ELK3: variants seen among roughly 807,000 people sequenced by gnomAD.
ELK3 encodes ETS domain-containing protein Elk-3.
In ELK3, 10 loss-of-function variants were observed where a neutral mutation model predicts 28.9. The ratio of observed to expected loss-of-function variants is 0.35; its 90% confidence interval spans 0.21 to 0.59. ELK3 has a LOEUF of 0.59. Ranked by LOEUF, ELK3 falls within the 20% of genes least tolerant of loss-of-function variation. The pLI is 0.82. For missense variants in ELK3, 463 were observed against 517.3 expected (o/e 0.90, Z 1.02); for synonymous variants, 272 against 243.5 (o/e 1.12, Z -1.09).
intron 2 of ELK3, among the ~76,000 whole-genome samples, chr12:96,235,265 C>A (rs1474404372): frequency 6.7e-6 from 1 of 148,220 alleles, no homozygotes; most frequent in Non-Finnish European, 1.5e-5. Context: ...TTGCCTGGCT[C>A]ACTCCTGGCC....
At chr12:96,209,163 A>G (rs1951559478) in intron 1 of ELK3, among the ~76,000 whole-genome samples, 1 of 152,266 alleles carries the variant, frequency 6.6e-6, no homozygotes, top group South Asian at 2.1e-4. Flanking sequence ...TTGTAAGCAC[A>G]ACAGATTGCA....
At chr12:96,196,761 T>C (rs1951471964) in intron 1 of ELK3, among the ~76,000 whole-genome samples, 1 of 151,788 alleles carries the variant, frequency 6.6e-6, no homozygotes, top group South Asian at 2.1e-4. Flanking sequence ...TTTTTTTTTT[T>C]TTTTTTTAAT....
intron 4 of ELK3, among the ~76,000 whole-genome samples, chr12:96,265,889 A>C (rs1242801246): frequency 6.6e-6 from 1 of 152,232 alleles, no homozygotes; most frequent in Non-Finnish European, 1.5e-5. Flanking sequence ...AACCTTGAAT[A>C]TGCCAATAAT....
chr12:96,247,239 G>T lies in ELK3; in HGVS notation c.507G>T (p.Pro169=), dbSNP rs62638721. The change falls in exon 3 of 5, where the codon CCG becomes CCT. Residue 169 remains proline, a synonymous_variant. Transcript: ENST00000228741. This position sits in a 1 kb window ranked among gnomAD's most constrained non-coding sequence, Gnocchi z 5.5. ...TCAAGACGGAGAAGCTGGAGGAGCC[G>T]CCCGAAGACAGCCCCCCCGTGGAAG... is the stretch of plus-strand genomic sequence containing the variant. ...KAIKTEKLEE[P]PEDSPPVEEV... The T allele has an allele frequency of 1.2e-6, 2 of 1,614,144 alleles. No homozygotes were observed. Among genetic ancestry groups the T allele is most frequent in the Non-Finnish European group, 8.5e-7 (1 of 1,180,026 alleles).
chr12:96,233,372 C>T (rs1248127129), intron 2 of ELK3, among the ~76,000 whole-genome samples: 1 of 152,156 alleles, frequency 6.6e-6, no homozygotes, highest in Non-Finnish European at 1.5e-5. Flanking sequence ...TCTGCTGGCT[C>T]CCTTCTCATC....
At chr12:96,214,430 C>T (rs981091513) in intron 1 of ELK3, among the ~76,000 whole-genome samples, 2 of 142,718 alleles carry the variant, frequency 1.4e-5, no homozygotes, top group African/African-American at 5.2e-5. Flanking sequence ...GACTCTGTCT[C>T]AAAAAACAAA....
chr12:96,208,463 T>C (rs992899394), intron 1 of ELK3, among the ~76,000 whole-genome samples: 2 of 152,218 alleles, frequency 1.3e-5, no homozygotes, highest in African/African-American at 4.8e-5. Flanking sequence ...GAGAAGAGCA[T>C]GCAATGGCGT....
intron 1 of ELK3, among the ~76,000 whole-genome samples, chr12:96,220,069 C>T (rs1951651606): frequency 6.6e-6 from 1 of 152,196 alleles, no homozygotes. Context: ...CCAAGCTCTG[C>T]AGCTTGGTTG....
At chr12:96,217,761 C>T (rs951635640) in intron 1 of ELK3, among the ~76,000 whole-genome samples, 1 of 151,800 alleles carries the variant, frequency 6.6e-6, no homozygotes, top group Non-Finnish European at 1.5e-5. Context: ...CATGGTGAAA[C>T]CCTGTCTCCA....
chr12:96,197,465 C>T (rs1951479259), intron 1 of ELK3, among the ~76,000 whole-genome samples: 1 of 152,182 alleles, frequency 6.6e-6, no homozygotes, highest in Non-Finnish European at 1.5e-5. Context: ...ATTCAGTCAA[C>T]AAATAGGACA....
chr12:96,233,714 A>T (rs1951759749), intron 2 of ELK3, among the ~76,000 whole-genome samples: 1 of 152,226 alleles, frequency 6.6e-6, no homozygotes, highest in African/African-American at 2.4e-5. Context: ...AGATAAAATG[A>T]TGTTGTCAAA....
intron 1 of ELK3, among the ~76,000 whole-genome samples, chr12:96,205,408 C>G (rs1386171398): frequency 1.3e-5 from 2 of 152,184 alleles, no homozygotes; most frequent in African/African-American, 4.8e-5. Flanking sequence ...TTTCTGCTAA[C>G]ATTCCTGTAG....
At chr12:96,265,126 G>A (rs2137046722) in intron 4 of ELK3, among the ~76,000 whole-genome samples, 1 of 152,268 alleles carries the variant, frequency 6.6e-6, no homozygotes, top group South Asian at 2.1e-4. Flanking sequence ...CATGGTACTG[G>A]AGAAAAGGTG....
In ELK3 at chr12:96,220,991, G is replaced by A. The variant is rs1377405788; in HGVS notation, c.-2-2574G>A. On this transcript the variant is annotated intron_variant, in intron 1 of 4. Coordinates refer to ENST00000228741, the MANE Select transcript of ELK3 (RefSeq NM_005230.4). The stretch of plus-strand genomic sequence containing the variant: ...GGGGCAGCAGCTTCCTGGCAGCATA[G>A]CACAGGAGGAAAAGTGCCAACTTAT... Among the ~76,000 whole-genome samples the A allele has an allele frequency of 3.3e-5, 5 of 152,288 alleles. 1 individual carries two copies. The highest frequency in any genetic ancestry group is 1.2e-4 in the African/African-American group (5 of 41,546).
At chr12:96,207,414 A>T (rs963095567) in intron 1 of ELK3, among the ~76,000 whole-genome samples, 1 of 152,236 alleles carries the variant, frequency 6.6e-6, no homozygotes, top group Non-Finnish European at 1.5e-5. Flanking sequence ...ACACATGTCC[A>T]CCACATGAGC....
At chr12:96,249,559 C>A (rs1307286605) in intron 3 of ELK3, among the ~76,000 whole-genome samples, 1 of 152,160 alleles carries the variant, frequency 6.6e-6, no homozygotes, top group Admixed American at 6.5e-5. Context: ...GAGGCAGGGC[C>A]AGGGTAGATG....
chr12:96,234,360 T>A (rs1951764907), intron 2 of ELK3, among the ~76,000 whole-genome samples: 1 of 152,214 alleles, frequency 6.6e-6, no homozygotes, highest in African/African-American at 2.4e-5. Context: ...GTCAGGCTGT[T>A]GCCCAAGCCC....
chr12:96,228,343 G>A (rs746553801), intron 2 of ELK3, among the ~76,000 whole-genome samples: 2 of 148,586 alleles, frequency 1.3e-5, no homozygotes, highest in African/African-American at 2.5e-5. Flanking sequence ...GCTTGAACCC[G>A]GGAGGCAGAG....
At chr12:96,210,332 C>G (rs562727548) in intron 1 of ELK3, among the ~76,000 whole-genome samples, 1 of 152,082 alleles carries the variant, frequency 6.6e-6, no homozygotes, top group African/African-American at 2.4e-5. Context: ...AGAGGTGTTT[C>G]TTTTTAAAGG....
Sources: allele counts gnomAD v4.1 joint callset (sites outside exome capture counted in the v4.1 genomes callset), GRCh38; gene constraint gnomAD v4.1.1; non-coding constraint Gnocchi (gnomAD v3.1); transcripts MANE v1.5; gene names NCBI Gene and HGNC (gene_info 2026-07-23, HGNC 2026-07-21).